PCDHGA11: variants seen among roughly 807,000 people sequenced by gnomAD.
PCDHGA11 encodes the protein protocadherin gamma-A11.
In PCDHGA11, 39 loss-of-function variants were observed where a neutral mutation model predicts 60.4. The observed-to-expected ratio is 0.65, with a 90% confidence interval of 0.50 to 0.84. The LOEUF (loss-of-function observed/expected upper bound fraction) is 0.84. Ranked by LOEUF, PCDHGA11 falls within the 40% of genes least tolerant of loss-of-function variation. PCDHGA11 has a pLI of 0.00. For missense variants in PCDHGA11, 1,165 were observed against 1,197.7 expected (o/e 0.97, Z 0.40); for synonymous variants, 533 against 510.3 (o/e 1.04, Z -0.60).
At position 141,477,023 on chromosome 5, in the gene PCDHGA11, A is replaced by T. The variant is rs763926460; in HGVS notation, c.2434-17784A>T. ...ATTCGCCTTAGACCTTGTAACCGGG[A>T]TGCTGACAATCAAGGGTCGGCTGGA... is the stretch of plus-strand genomic sequence containing the variant. On this transcript the variant is annotated intron_variant, in intron 1 of 3. Transcript: ENST00000398587. The surrounding 1 kb of genome is among the most constrained non-coding windows in gnomAD (Gnocchi z 4.9). 6.2e-7 allele frequency: 1 copy of T among 1,614,240 alleles called. No homozygotes were observed. The highest frequency in any genetic ancestry group is 8.5e-7 in the Non-Finnish European group (1 of 1,180,040).
chr5:141,501,666 T>C (rs2099810374), intron 2 of PCDHGA11, among the ~76,000 whole-genome samples: 1 of 152,142 alleles, frequency 6.6e-6, no homozygotes. Context: ...TTGGAAAATA[T>C]AGATAATCAC....
At chr5:141,499,343 G>C (rs1184175548) in intron 2 of PCDHGA11, among the ~76,000 whole-genome samples, 1 of 152,146 alleles carries the variant, frequency 6.6e-6, no homozygotes, top group Non-Finnish European at 1.5e-5. Context: ...AGTTTGGGCA[G>C]TCATTCAACA....
intron 1 of PCDHGA11, chr5:141,427,900 C>T (rs1351712272): frequency 2.5e-6 from 4 of 1,571,732 alleles, no homozygotes; most frequent in Non-Finnish European, 3.5e-6. Flanking sequence ...GGCTCGCCCG[C>T]GCTCAGCGCC....
In PCDHGA11 at chr5:141,489,200, G is replaced by A. The variant is rs1483035320; in HGVS notation, c.2434-5607G>A. The A allele has an allele frequency of 2.8e-6, 4 of 1,412,792 alleles. No individual in the cohort carries two copies. The highest frequency in any genetic ancestry group is 3.9e-6 in the Non-Finnish European group (4 of 1,038,374). The allele number at this position is 1,412,792 out of a possible 1,614,324, so 87.5% of individuals were successfully genotyped here. A position where few individuals can be genotyped will look rare whatever the true frequency, so the allele number is the denominator to read the frequency against. On this transcript the variant is annotated intron_variant, in intron 1 of 3. Coordinates refer to ENST00000398587, the MANE Select transcript of PCDHGA11 (RefSeq NM_018914.3). This position sits in a 1 kb window ranked among gnomAD's most constrained non-coding sequence, Gnocchi z 4.5. ...AAGCCCTGGGTCTACCTTGGAGACAGGACAGCACAGACTTACTCTCCACAA... is the reference window on the plus strand; with the variant it reads ...AAGCCCTGGGTCTACCTTGGAGACAAGACAGCACAGACTTACTCTCCACAA...
At chr5:141,483,743 C>G (rs1360515518) in intron 1 of PCDHGA11, among the ~76,000 whole-genome samples, 2 of 152,022 alleles carry the variant, frequency 1.3e-5, no homozygotes, top group Non-Finnish European at 2.9e-5. Context: ...AAAGGATATT[C>G]CTGAGGATCG....
rs2154555227 is a variant in PCDHGA11, at chr5:141,432,737, C to G, written c.2433+9077C>G. ...GCCCCCTCTCTCCGCCACTGTCACG[C>G]TCACCGTGGCCGTGGCCGACAGCAT... On this transcript the variant is annotated intron_variant, in intron 1 of 3. Coordinates refer to ENST00000398587, the MANE Select transcript of PCDHGA11 (RefSeq NM_018914.3). This position sits in a 1 kb window ranked among gnomAD's most constrained non-coding sequence, Gnocchi z 6.0. 6.2e-7 allele frequency: 1 copy of G among 1,614,110 alleles called. No homozygotes were observed. The highest frequency in any genetic ancestry group is 8.5e-7 in the Non-Finnish European group (1 of 1,180,002).
chr5:141,429,264 A>T (rs1029363907), intron 1 of PCDHGA11: 1 of 151,938 alleles, frequency 6.6e-6, no homozygotes, highest in Non-Finnish European at 1.5e-5. Flanking sequence ...TGAGGAATAA[A>T]TTTTTTTCCT....
At chr5:141,448,662 C>T (rs1242351797) in intron 1 of PCDHGA11, among the ~76,000 whole-genome samples, 1 of 151,980 alleles carries the variant, frequency 6.6e-6, no homozygotes, top group Non-Finnish European at 1.5e-5. Flanking sequence ...CCATATTGGC[C>T]GGGCGCGGTG....
chr5:141,423,708 T>A (rs1384948123), intron 1 of PCDHGA11, 48 bp downstream of exon 1: 23 of 1,349,902 alleles, frequency 1.7e-5, no homozygotes, highest in Non-Finnish European at 2.2e-5. Flanking sequence ...TTGGCACAAG[T>A]CTTTTAAGGA....
chr5:141,466,148 G>A (rs1201643685), intron 1 of PCDHGA11, among the ~76,000 whole-genome samples: 1 of 151,814 alleles, frequency 6.6e-6, no homozygotes, highest in Non-Finnish European at 1.5e-5. Flanking sequence ...GAAAACTCTG[G>A]TCTTAAACTG....
Position 141,422,767 on chromosome 5 carries a change from G to T in PCDHGA11, c.1540G>T (p.Val514Phe). ...TGTCTCTATTAACTCCAACACTGGT[G>T]TTCTCTATGCCCTACAATCCTTCGA... is the stretch of plus-strand genomic sequence containing the variant. ...SYVSINSNTG[V>F]LYALQSFDYE... Residue 514 changes from valine to phenylalanine, a missense_variant, in exon 1 of 4, where the codon GTT becomes TTT. Coordinates refer to ENST00000398587, the MANE Select transcript of PCDHGA11 (RefSeq NM_018914.3). The T allele has an allele frequency of 6.2e-7, 1 of 1,613,786 alleles. No individual in the cohort carries two copies. The highest frequency in any genetic ancestry group is 8.5e-7 in the Non-Finnish European group (1 of 1,179,764).
chr5:141,511,345 T>TC lies in PCDHGA11; in HGVS notation c.*179dup, dbSNP rs535135679. The TC allele has an allele frequency of 6.6e-4, 924 of 1,410,366 alleles. 3 individuals are homozygous for TC. The African/African-American group carries it at 0.011, about 17-fold the overall frequency. 87.4% of individuals were successfully genotyped at this position (1,410,366 alleles called of 1,614,324 possible). ...AAGTGCCCAGTCAGCACCTACCCCT[T>TC]CCCCCCCAGGGGGTTGAATATGCAA... On this transcript the variant is annotated 3_prime_UTR_variant, in exon 4 of 4. Coordinates refer to ENST00000398587, the MANE Select transcript of PCDHGA11 (RefSeq NM_018914.3).
chr5:141,454,503 T>A (rs988138847), intron 1 of PCDHGA11, among the ~76,000 whole-genome samples: 1 of 152,308 alleles, frequency 6.6e-6, no homozygotes, highest in Non-Finnish European at 1.5e-5. Flanking sequence ...ACCTCCTGGA[T>A]TCAGGCAGTT....
intron 1 of PCDHGA11, among the ~76,000 whole-genome samples, chr5:141,425,551 T>C (rs1472337722): frequency 1.3e-5 from 2 of 152,270 alleles, no homozygotes. Context: ...CAGAAACCTC[T>C]TTTATAAGTG....
chr5:141,439,773 C>G (rs1323463060), intron 1 of PCDHGA11: 2 of 152,344 alleles, frequency 1.3e-5, no homozygotes, highest in East Asian at 3.9e-4. Flanking sequence ...TCCTTCTTGG[C>G]TGGAGATTCT....
At position 141,487,565 on chromosome 5, in the gene PCDHGA11, G is replaced by A. The variant is rs1473034794; in HGVS notation, c.2434-7242G>A. ...GTCACCCAGTGCACCTATGGCAGGGGAGCCTGTTCGCCCAAGCTGCCCACC... is the reference window on the plus strand; with the variant it reads ...GTCACCCAGTGCACCTATGGCAGGGAAGCCTGTTCGCCCAAGCTGCCCACC... On this transcript the variant is annotated intron_variant, in intron 1 of 3. Transcript: ENST00000398587. This position sits in a 1 kb window ranked among gnomAD's most constrained non-coding sequence, Gnocchi z 5.0. The A allele has an allele frequency of 6.2e-7, 1 of 1,614,164 alleles. No individual in the cohort carries two copies. Among genetic ancestry groups the A allele is most frequent in the East Asian group, 2.2e-5 (1 of 44,856 alleles).
At chr5:141,510,818 A>C in intron 3 of PCDHGA11, 129 bp from the exon 4 acceptor site, 1 of 1,551,540 alleles carries the variant, frequency 6.4e-7, no homozygotes, top group Non-Finnish European at 8.7e-7. Context: ...TGACCCCTAT[A>C]TTCCCAGTGC....
At chr5:141,435,803 T>C (rs551682061) in intron 1 of PCDHGA11, among the ~76,000 whole-genome samples, 1 of 152,178 alleles carries the variant, frequency 6.6e-6, no homozygotes, top group South Asian at 2.1e-4. Context: ...ACGTCCCAAT[T>C]ATTTTTTCTT....
intron 1 of PCDHGA11, among the ~76,000 whole-genome samples, chr5:141,425,689 A>C (rs887583603): frequency 6.6e-6 from 1 of 152,232 alleles, no homozygotes; most frequent in African/African-American, 2.4e-5. Flanking sequence ...ACTGCATATC[A>C]TTTCATAGTG....
Sources: gnomAD v4.1 joint callset for allele counts (sites outside exome capture counted in the v4.1 genomes callset) on GRCh38, gnomAD v4.1.1 for gene constraint, Gnocchi (gnomAD v3.1) non-coding constraint, MANE v1.5 for transcripts, NCBI Gene and HGNC (gene_info 2026-07-23, HGNC 2026-07-21) for gene names.